SKAP2: variants seen among roughly 807,000 people sequenced by gnomAD.
SKAP2 encodes the protein src kinase-associated phosphoprotein 2.
Under a neutral mutation model 54.9 loss-of-function variants are expected in SKAP2, and 28 were observed. That is an observed-to-expected ratio of 0.51 (90% CI 0.38 to 0.70). The LOEUF is 0.70. SKAP2 is among the 30% of genes least tolerant of loss of function. The pLI is 0.00. For synonymous variants in SKAP2, 137 were observed against 134.3 expected (o/e 1.02, Z -0.14); for missense variants, 356 against 424.1 (o/e 0.84, Z 1.41).
At chr7:26,719,249 C>G (rs986654386) in intron 9 of SKAP2, among the ~76,000 whole-genome samples, 3 of 152,148 alleles carry the variant, frequency 2.0e-5, no homozygotes, top group African/African-American at 7.2e-5. Flanking sequence ...AATAATCACA[C>G]AGTATGGCTT....
intron 4 of SKAP2, among the ~76,000 whole-genome samples, chr7:26,772,226 G>C (rs1445892500): frequency 6.6e-6 from 1 of 152,088 alleles, no homozygotes; most frequent in African/African-American, 2.4e-5. Context: ...GCAGCACTTT[G>C]TTTTTTCACC....
intron 4 of SKAP2, among the ~76,000 whole-genome samples, chr7:26,795,163 C>T (rs779627867): frequency 1.3e-5 from 2 of 152,184 alleles, no homozygotes; most frequent in African/African-American, 2.4e-5. Context: ...ACAGTATTTG[C>T]TTCAGTTTAT....
At chr7:26,791,599 T>C (rs868212015) in intron 4 of SKAP2, among the ~76,000 whole-genome samples, 1 of 152,250 alleles carries the variant, frequency 6.6e-6, no homozygotes, top group Non-Finnish European at 1.5e-5. Context: ...TTTTGGTTAT[T>C]TGTATTTCTA....
downstream of SKAP2, among the ~76,000 whole-genome samples, chr7:26,663,220 ACAGT>A (rs1786045841): frequency 6.6e-6 from 1 of 152,096 alleles, no homozygotes; most frequent in African/African-American, 2.4e-5. Flanking sequence ...GGGCTATAAG[ACAGT>A]CAGTACTATA....
At position 26,831,296 on chromosome 7, in the gene SKAP2, A is replaced by G. The variant is rs566186681; in HGVS notation, c.307+12734T>C. ...AGAAGCCAAGGCACAAAGAAGTACAAGGGTTCAAGAAAAAGGCATGATATA... is the reference window on the plus strand; with the variant it reads ...AGAAGCCAAGGCACAAAGAAGTACAGGGGTTCAAGAAAAAGGCATGATATA... On this transcript the variant is annotated intron_variant, in intron 4 of 12. Coordinates refer to ENST00000345317, the MANE Select transcript of SKAP2 (RefSeq NM_003930.5). Among the ~76,000 whole-genome samples the G allele has an allele frequency of 5.9e-5, 9 of 152,312 alleles. No homozygotes were observed. In the South Asian group the frequency reaches 1.9e-3, roughly 32 times the overall value.
At chr7:26,761,831 C>T (rs1287115798) in intron 4 of SKAP2, among the ~76,000 whole-genome samples, 2 of 152,136 alleles carry the variant, frequency 1.3e-5, no homozygotes, top group Non-Finnish European at 2.9e-5. Context: ...AGCCAGGAGG[C>T]GGAGGTTGCA....
chr7:26,697,962 T>C (rs1786931689), intron 9 of SKAP2, among the ~76,000 whole-genome samples: 1 of 152,210 alleles, frequency 6.6e-6, no homozygotes, highest in African/African-American at 2.4e-5. Flanking sequence ...ATACATCAAC[T>C]CAATTTAGAT....
At chr7:26,862,922 CAAT>C (rs1785298924) in intron 1 of SKAP2, among the ~76,000 whole-genome samples, 1 of 151,944 alleles carries the variant, frequency 6.6e-6, no homozygotes, top group Non-Finnish European at 1.5e-5. Context: ...CTGGTTATTA[CAAT>C]AATATTCTGA....
chr7:26,828,321 AT>A (rs1437585744), intron 4 of SKAP2, among the ~76,000 whole-genome samples: 3 of 152,214 alleles, frequency 2.0e-5, no homozygotes, highest in African/African-American at 7.2e-5. Flanking sequence ...TATAAACAAA[AT>A]AAGAATTCTT....
intron 4 of SKAP2, among the ~76,000 whole-genome samples, chr7:26,789,934 A>C (rs904009765): frequency 2.0e-5 from 3 of 152,284 alleles, no homozygotes; most frequent in Middle Eastern, 6.8e-3. Flanking sequence ...CCTGGCTATT[A>C]ATCACTCTGC....
intron 4 of SKAP2, among the ~76,000 whole-genome samples, chr7:26,807,333 A>AT (rs1361032076): frequency 6.6e-6 from 1 of 152,110 alleles, no homozygotes; most frequent in Non-Finnish European, 1.5e-5. Context: ...GTGGGAAGTG[A>AT]TTGGATCATC....
At chr7:26,655,348 C>A in the SKAP2 span, among the ~76,000 whole-genome samples, 1 of 152,172 alleles carries the variant, frequency 6.6e-6, no homozygotes, top group Admixed American at 6.5e-5. Flanking sequence ...CCCACAAGTG[C>A]CATAAAGTGA....
chr7:26,666,415 A>G (rs1325841085), downstream of SKAP2, among the ~76,000 whole-genome samples: 1 of 152,188 alleles, frequency 6.6e-6, no homozygotes, highest in African/African-American at 2.4e-5. Flanking sequence ...AGCAAGTAGT[A>G]GAGTGCAGAA....
chr7:26,670,750 A>T (rs987757175), intron 11 of SKAP2, among the ~76,000 whole-genome samples: 1 of 152,130 alleles, frequency 6.6e-6, no homozygotes, highest in Non-Finnish European at 1.5e-5. Flanking sequence ...AAACACTAAT[A>T]ATACCAAAAA....
At chr7:26,682,660 C>G (rs902820568) in intron 11 of SKAP2, among the ~76,000 whole-genome samples, 2 of 152,184 alleles carry the variant, frequency 1.3e-5, no homozygotes, top group African/African-American at 4.8e-5. Context: ...TTGCAAAACA[C>G]TGGCAGAGGA....
At chr7:26,789,651 C>T (rs367708770) in intron 4 of SKAP2, among the ~76,000 whole-genome samples, 7 of 152,166 alleles carry the variant, frequency 4.6e-5, no homozygotes, top group East Asian at 1.9e-4. Flanking sequence ...CATCATAGGC[C>T]GCCAAATATC....
chr7:26,828,345 T>C (rs376278018), intron 4 of SKAP2, among the ~76,000 whole-genome samples: 1 of 152,160 alleles, frequency 6.6e-6, no homozygotes, highest in African/African-American at 2.4e-5. Flanking sequence ...TAACGAACGA[T>C]GTTAAAGGCT....
At chr7:26,757,062 CTGG>C (rs1782810963) in intron 4 of SKAP2, among the ~76,000 whole-genome samples, 2 of 152,088 alleles carry the variant, frequency 1.3e-5, no homozygotes, top group Non-Finnish European at 2.9e-5. Context: ...TTTGTAAATT[CTGG>C]ATATTAGCCC....
intron 1 of SKAP2, among the ~76,000 whole-genome samples, chr7:26,862,623 A>G (rs1384032410): frequency 6.6e-6 from 1 of 152,094 alleles, no homozygotes; most frequent in Non-Finnish European, 1.5e-5. Flanking sequence ...TTGGCAGATA[A>G]TTTAAATATG....
Sources: gnomAD v4.1 joint callset for allele counts (sites outside exome capture counted in the v4.1 genomes callset) on GRCh38, gnomAD v4.1.1 for gene constraint, MANE v1.5 for transcripts, NCBI Gene and HGNC (gene_info 2026-07-23, HGNC 2026-07-21) for gene names.